Variants in SYNPR observed in about 807,000 individuals in gnomAD.
SYNPR encodes the protein synaptoporin.
Under a neutral mutation model 32.9 loss-of-function variants are expected in SYNPR, and 23 were observed. The ratio of observed to expected loss-of-function variants is 0.70; its 90% confidence interval spans 0.50 to 0.99. The LOEUF is 0.99. SYNPR is among the 50% of genes least tolerant of loss of function. SYNPR has a pLI of 0.00. For synonymous variants in SYNPR, 146 were observed against 135.9 expected, an observed-to-expected ratio of 1.07 and a Z score of -0.52; for missense variants, 318 against 349.3, an observed-to-expected ratio of 0.91 and a Z score of 0.71.
intron 3 of SYNPR, among the ~76,000 whole-genome samples, chr3:63,529,833 C>T (rs942806715): frequency 1.3e-5 from 2 of 152,144 alleles, no homozygotes; most frequent in African/African-American, 4.8e-5. Flanking sequence ...ACATCTGAAG[C>T]TCCCAATTTA....
intron 2 of SYNPR, among the ~76,000 whole-genome samples, chr3:63,401,810 A>T (rs1010814247): frequency 3.9e-5 from 6 of 152,182 alleles, no homozygotes; most frequent in African/African-American, 1.4e-4. Context: ...GGGAATCAAA[A>T]TTGTGCTCCA....
intron 2 of SYNPR, among the ~76,000 whole-genome samples, chr3:63,303,019 CAAAAAAATTAAAT>C (rs2086873316): frequency 6.6e-6 from 1 of 151,514 alleles, no homozygotes; most frequent in Non-Finnish European, 1.5e-5. Flanking sequence ...AAGTGTACTC[CAAAAAAATTAAAT>C]AAAAAAATTA....
chr3:63,257,590 A>C (rs1407040225), intron 2 of SYNPR, among the ~76,000 whole-genome samples: 2 of 152,178 alleles, frequency 1.3e-5, no homozygotes, highest in Non-Finnish European at 2.9e-5. Context: ...GAAAGGAACA[A>C]CCAGTAACAG....
intron 2 of SYNPR, among the ~76,000 whole-genome samples, chr3:63,287,300 C>A (rs1017555592): frequency 6.6e-6 from 1 of 152,116 alleles, no homozygotes; most frequent in Non-Finnish European, 1.5e-5. Context: ...TTTGTACATG[C>A]CACTTCCACT....
At chr3:63,250,112 T>G (rs2086319583) in intron 1 of SYNPR, among the ~76,000 whole-genome samples, 2 of 152,088 alleles carry the variant, frequency 1.3e-5, no homozygotes, top group Non-Finnish European at 2.9e-5. Flanking sequence ...TCTAGGGTTC[T>G]ATAGCATTGT....
At chr3:63,216,788 C>T in the SYNPR span, among the ~76,000 whole-genome samples, 11 of 49,894 alleles carry the variant, frequency 2.2e-4, 4 homozygotes, top group East Asian at 2.9e-3. Context: ...AGGTGCTCTG[C>T]GTTTTAGAGT....
intron 3 of SYNPR, among the ~76,000 whole-genome samples, chr3:63,507,894 A>G (rs1244837414): frequency 2.0e-5 from 3 of 152,130 alleles, no homozygotes; most frequent in Non-Finnish European, 4.4e-5. Flanking sequence ...AGCCATGGAT[A>G]TAAGTCACAG....
chr3:63,562,355 A>G (rs567154511), intron 4 of SYNPR, among the ~76,000 whole-genome samples: 2 of 152,314 alleles, frequency 1.3e-5, no homozygotes, highest in African/African-American at 4.8e-5. Flanking sequence ...ATACCATCTC[A>G]TGTTTCAGTG....
chr3:63,527,005 A>C (rs2106782505), intron 3 of SYNPR, among the ~76,000 whole-genome samples: 1 of 152,266 alleles, frequency 6.6e-6, no homozygotes, highest in Admixed American at 6.5e-5. Flanking sequence ...TAGGCCAGAG[A>C]AGAGCAGTGT....
intron 2 of SYNPR, among the ~76,000 whole-genome samples, chr3:63,279,716 G>C (rs1223162306): frequency 1.3e-5 from 2 of 152,242 alleles, no homozygotes; most frequent in African/African-American, 4.8e-5. Context: ...AATTATGTAA[G>C]AGCCTGTTCT....
chr3:63,504,189 T>G (rs560237776), intron 3 of SYNPR, among the ~76,000 whole-genome samples: 2 of 152,082 alleles, frequency 1.3e-5, no homozygotes, highest in East Asian at 3.9e-4. Flanking sequence ...TGCATCCACA[T>G]GTAGGTCTGA....
At chr3:63,276,620 T>TTCC (rs1560175989), upstream of SYNPR, among the ~76,000 whole-genome samples, 10 of 142,142 alleles carry the variant, frequency 7.0e-5, no homozygotes, top group Non-Finnish European at 9.1e-5. Flanking sequence ...TAGTGTTAGT[T>TTCC]CCCCCCACCC....
chr3:63,498,181 T>C (rs1050679201), intron 3 of SYNPR, among the ~76,000 whole-genome samples: 8 of 152,140 alleles, frequency 5.3e-5, no homozygotes, highest in Non-Finnish European at 1.2e-4. Context: ...TTAGCTATGT[T>C]TGCGATCTAA....
chr3:63,480,838 G>A lies in SYNPR; in HGVS notation c.91G>A (p.Ala31Thr). 2.5e-6 allele frequency: 4 copies of A among 1,612,310 alleles called. No individual in the cohort carries two copies. The highest frequency in any genetic ancestry group is 2.5e-6 in the Non-Finnish European group (3 of 1,179,090). ...GTTTAATTGTTCTCCACAGCTTTTT[G>A]CAATCTTTGCATTTGCAACATGCGG... ...AFLRALELLF[A>T]IFAFATCGGY... The change falls in exon 3 of 6, where the codon GCA becomes ACA. Residue 31 changes from alanine to threonine, a missense_variant. Transcript: ENST00000478300.
chr3:63,553,791 G>C (rs1465836630), intron 3 of SYNPR, among the ~76,000 whole-genome samples: 1 of 152,064 alleles, frequency 6.6e-6, no homozygotes, highest in African/African-American at 2.4e-5. Context: ...GCGCGATCTC[G>C]GCTCATCGCA....
chr3:63,476,108 GGGGAGGAA>G (rs1700898097), intron 2 of SYNPR, among the ~76,000 whole-genome samples: 1 of 96,412 alleles, frequency 1.0e-5, no homozygotes, highest in African/African-American at 4.8e-5. Flanking sequence ...GGAAGGGAGG[GGGGAGGAA>G]GGAAGGAAGG....
intron 3 of SYNPR, among the ~76,000 whole-genome samples, chr3:63,542,384 T>C (rs566973640): frequency 6.6e-6 from 1 of 152,188 alleles, no homozygotes; most frequent in South Asian, 2.1e-4. Flanking sequence ...GATACTAAGA[T>C]AAGTAACACT....
At chr3:63,585,776 G>A (rs935399722) in intron 4 of SYNPR, among the ~76,000 whole-genome samples, 28 of 152,130 alleles carry the variant, frequency 1.8e-4, no homozygotes, top group African/African-American at 6.5e-4. Context: ...TTTAATTCTT[G>A]CAATAACCCT....
intron 2 of SYNPR, among the ~76,000 whole-genome samples, chr3:63,480,070 C>T (rs78542176): frequency 0.022 from 3,340 of 152,256 alleles, 103 homozygotes; most frequent in East Asian, 0.13. Flanking sequence ...GCTTATGTCC[C>T]CTCTTAGGCC....
Sources: allele counts gnomAD v4.1 joint callset (sites outside exome capture counted in the v4.1 genomes callset), GRCh38; gene constraint gnomAD v4.1.1; transcripts MANE v1.5; gene names NCBI Gene and HGNC (gene_info 2026-07-23, HGNC 2026-07-21).